Variants in KLRG1 observed in about 807,000 individuals in gnomAD.
The protein encoded by KLRG1 is killer cell lectin-like receptor subfamily G member 1.
Under a neutral mutation model 21.8 loss-of-function variants are expected in KLRG1, and 16 were observed. The observed-to-expected ratio is 0.73, with a 90% CI of 0.50 to 1.11. The LOEUF is 1.11. KLRG1 is among the 50% of genes most tolerant of loss of function. The probability of loss-of-function intolerance (pLI) is 0.00; values close to 1 mark genes in which losing one functional copy is unlikely to be tolerated. For synonymous variants in KLRG1, 69 were observed against 75.9 expected (o/e 0.91, Z 0.47); for missense variants, 173 against 218.3 (o/e 0.79, Z 1.31).
the KLRG1 span, chr12:9,077,498 C>T: frequency 5.4e-6 from 8 of 1,488,296 alleles, no homozygotes; most frequent in Non-Finnish European, 2.8e-6. Flanking sequence ...TCTGCTGTGT[C>T]ATGGAATTCA....
rs964120335 is a variant in KLRG1 at position 8,992,193 on chromosome 12, T to C, written c.83-13T>C. The stretch of plus-strand genomic sequence containing the variant: ...ATCTGACTCAGGATTGTGCTTTGAC[T>C]CTGTTGTTGCAGCTTCCTCTTCCAG... On this transcript the variant is annotated splice_polypyrimidine_tract_variant and intron_variant, in intron 1 of 4. Coordinates refer to ENST00000356986, the MANE Select transcript of KLRG1 (RefSeq NM_005810.4). 6.2e-7 allele frequency: 1 copy of C among 1,600,444 alleles called. No individual in the cohort carries two copies. Among genetic ancestry groups the C allele is most frequent in the African/African-American group, 1.3e-5 (1 of 74,162 alleles).
At chr12:9,037,849 GGTGT>G in the KLRG1 span, among the ~76,000 whole-genome samples, 2 of 152,180 alleles carry the variant, frequency 1.3e-5, no homozygotes, top group African/African-American at 4.8e-5. Flanking sequence ...ATATAGGCCA[GGTGT>G]GTGGTAGGCT....
At chr12:9,104,917 A>G in the KLRG1 span, among the ~76,000 whole-genome samples, 150 of 152,334 alleles carry the variant, frequency 9.8e-4, 1 homozygote, top group African/African-American at 3.3e-3. Context: ...ACAATTGCCA[A>G]TACATTGTCC....
the KLRG1 span, chr12:9,165,987 T>G: frequency 3.3e-6 from 5 of 1,525,224 alleles, no homozygotes; most frequent in Middle Eastern, 1.8e-4. Context: ...TGTCTTAGAA[T>G]TGAAAATGTT....
the KLRG1 span, among the ~76,000 whole-genome samples, chr12:9,107,195 T>G: frequency 8.5e-5 from 13 of 152,214 alleles, no homozygotes; most frequent in African/African-American, 3.1e-4. Context: ...TGTGATAGGT[T>G]CTTGTTCACA....
the KLRG1 span, among the ~76,000 whole-genome samples, chr12:9,110,654 C>T: frequency 6.6e-6 from 1 of 151,538 alleles, no homozygotes; most frequent in African/African-American, 2.4e-5. Context: ...ATGCCTGTAT[C>T]AAAATATCTC....
At chr12:9,196,248 C>T in the KLRG1 span, 105 of 911,150 alleles carry the variant, frequency 1.2e-4, 2 homozygotes, top group Admixed American at 2.2e-3. Context: ...ATAACACTAA[C>T]CAAGTGTGGG....
chr12:9,050,053 C>T, the KLRG1 span, among the ~76,000 whole-genome samples: 1 of 152,024 alleles, frequency 6.6e-6, no homozygotes, highest in East Asian at 1.9e-4. Context: ...TTTTAATAAA[C>T]TTCAGAAAAA....
chr12:9,050,945 TG>T, the KLRG1 span, among the ~76,000 whole-genome samples: 1 of 152,116 alleles, frequency 6.6e-6, no homozygotes, highest in African/African-American at 2.4e-5. Flanking sequence ...GAGCCATGAA[TG>T]GTGGCAGGAG....
At chr12:9,164,319 T>G in the KLRG1 span, 1 of 1,541,740 alleles carries the variant, frequency 6.5e-7, no homozygotes. Context: ...CACGAACACA[T>G]AGAATTGGGG....
the KLRG1 span, among the ~76,000 whole-genome samples, chr12:9,145,330 G>C: frequency 6.6e-6 from 1 of 151,530 alleles, no homozygotes; most frequent in Non-Finnish European, 1.5e-5. Flanking sequence ...TCTGTCTTTT[G>C]TGTAACTTTT....
chr12:9,094,342 T>C, the KLRG1 span, among the ~76,000 whole-genome samples: 3 of 71,264 alleles, frequency 4.2e-5, no homozygotes, highest in African/African-American at 1.1e-4. Context: ...AAATTGTGCA[T>C]ATATATATAT....
chr12:9,107,403 A>G, the KLRG1 span: 3 of 1,230,096 alleles, frequency 2.4e-6, no homozygotes, highest in African/African-American at 3.1e-5. Context: ...AAAAATTACA[A>G]TAGCCAACAT....
the KLRG1 span, among the ~76,000 whole-genome samples, chr12:9,143,593 A>G: frequency 3.3e-5 from 5 of 152,178 alleles, no homozygotes; most frequent in Admixed American, 6.5e-5. Context: ...CTTAGGTAGA[A>G]GAAAGCCTGA....
At chr12:9,197,592 A>G in the KLRG1 span, among the ~76,000 whole-genome samples, 1 of 92,784 alleles carries the variant, frequency 1.1e-5, no homozygotes, top group Non-Finnish European at 1.9e-5. Context: ...ATAATATAAT[A>G]TATAAATATA....
At chr12:8,995,050 T>G in intron 2 of KLRG1, 69 bp from the exon 3 acceptor site, 1 of 1,419,194 alleles carries the variant, frequency 7.0e-7, no homozygotes, top group South Asian at 1.5e-5. Context: ...ATATTCCATT[T>G]TATCTCCCAT....
intron 3 of KLRG1, 107 bp downstream of exon 3, chr12:8,995,395 A>G: frequency 2.1e-6 from 2 of 965,692 alleles, no homozygotes; most frequent in East Asian, 2.7e-5. Flanking sequence ...AACAGAAGGA[A>G]TCTGTGATTT....
the KLRG1 span, among the ~76,000 whole-genome samples, chr12:9,056,527 C>G: frequency 2.0e-5 from 3 of 151,826 alleles, no homozygotes; most frequent in Non-Finnish European, 2.9e-5. Context: ...CAGTATAATA[C>G]CCACGATTTA....
intron 1 of KLRG1, among the ~76,000 whole-genome samples, chr12:8,953,536 C>T (rs1244424963): frequency 6.6e-6 from 1 of 152,190 alleles, no homozygotes; most frequent in Non-Finnish European, 1.5e-5. Context: ...GCTTGGCTTT[C>T]AGGCTTTAAA....
Sources: gnomAD v4.1 joint callset for allele counts (sites outside exome capture counted in the v4.1 genomes callset) on GRCh38, gnomAD v4.1.1 for gene constraint, MANE v1.5 for transcripts, NCBI Gene and HGNC (gene_info 2026-07-23, HGNC 2026-07-21) for gene names.